The following MYO1D variants were observed in gnomAD, a reference collection of about 807,000 sequenced individuals.
MYO1D encodes myosin ID, also known as unconventional myosin-Id.
In MYO1D, 83 loss-of-function variants were observed where a neutral mutation model predicts 122.0. That is an observed-to-expected ratio of 0.68 (90% CI 0.57 to 0.82). The LOEUF (loss-of-function observed/expected upper bound fraction) is 0.82, where lower values mean the gene tolerates loss of function less well. MYO1D is among the 40% of genes least tolerant of loss of function. The pLI, the probability that MYO1D is intolerant of heterozygous loss-of-function variation, is 0.00. For missense variants in MYO1D, 1,157 were observed against 1,269.5 expected (o/e 0.91, Z 1.35); for synonymous variants, 464 against 446.9 (o/e 1.04, Z -0.48).
intron 1 of MYO1D, among the ~76,000 whole-genome samples, chr17:32,854,777 G>A (rs904455772): frequency 6.6e-6 from 1 of 152,182 alleles, no homozygotes; most frequent in African/African-American, 2.4e-5. Flanking sequence ...GGTAAAGGTT[G>A]AATAGGCACA....
chr17:32,711,911 A>G, intron 16 of MYO1D, 77 bp downstream of exon 16: 1 of 1,199,752 alleles, frequency 8.3e-7, no homozygotes, highest in Non-Finnish European at 1.2e-6. Flanking sequence ...ATATTTCTTG[A>G]ATTAAAGAAA....
At chr17:32,615,743 G>C (rs1399155989) in intron 20 of MYO1D, among the ~76,000 whole-genome samples, 1 of 152,170 alleles carries the variant, frequency 6.6e-6, no homozygotes, top group Non-Finnish European at 1.5e-5. Flanking sequence ...ACTAAACGAG[G>C]CTCTAAAGAT....
At chr17:32,579,762 T>G (rs1338962354) in intron 21 of MYO1D, among the ~76,000 whole-genome samples, 1 of 152,248 alleles carries the variant, frequency 6.6e-6, no homozygotes, top group African/African-American at 2.4e-5. Flanking sequence ...CTTTTCAGGT[T>G]GGCTTCTTTC....
chr17:32,615,310 G>C (rs1463416618), intron 20 of MYO1D, among the ~76,000 whole-genome samples: 1 of 152,186 alleles, frequency 6.6e-6, no homozygotes, highest in Non-Finnish European at 1.5e-5. Context: ...AGACTACTTC[G>C]AGCCAGAGGA....
At chr17:32,871,808 T>G (rs1032579217) in intron 1 of MYO1D, among the ~76,000 whole-genome samples, 2 of 152,160 alleles carry the variant, frequency 1.3e-5, no homozygotes, top group Non-Finnish European at 2.9e-5. Context: ...GCAAGCAGCT[T>G]GCCCTGGCAG....
At chr17:32,671,631 C>A (rs1234957492) in intron 16 of MYO1D, among the ~76,000 whole-genome samples, 5 of 152,022 alleles carry the variant, frequency 3.3e-5, no homozygotes, top group Non-Finnish European at 7.4e-5. Flanking sequence ...TTTGAATTTT[C>A]TTCTAAGGAG....
intron 20 of MYO1D, among the ~76,000 whole-genome samples, chr17:32,624,150 A>G (rs1261049255): frequency 6.6e-6 from 1 of 152,128 alleles, no homozygotes; most frequent in African/African-American, 2.4e-5. Context: ...CAGAATAGAT[A>G]AGTGGTTCTC....
chr17:32,848,558 AGACTAAAT>A (rs1351902200), intron 1 of MYO1D, among the ~76,000 whole-genome samples: 1 of 152,222 alleles, frequency 6.6e-6, no homozygotes, highest in Non-Finnish European at 1.5e-5. Context: ...ATGATCAAGA[AGACTAAAT>A]GTTTTGTATG....
intron 20 of MYO1D, among the ~76,000 whole-genome samples, chr17:32,621,181 T>C (rs1385300619): frequency 6.6e-6 from 1 of 152,128 alleles, no homozygotes; most frequent in Non-Finnish European, 1.5e-5. Flanking sequence ...TTTCCACTTG[T>C]GGCGTCATAT....
At chr17:32,589,026 C>T (rs2087415514) in intron 21 of MYO1D, among the ~76,000 whole-genome samples, 1 of 149,394 alleles carries the variant, frequency 6.7e-6, no homozygotes, top group Non-Finnish European at 1.5e-5. Flanking sequence ...ACTGCCCCTG[C>T]AAGAGAATAA....
chr17:32,721,245 G>A, intron 14 of MYO1D, 56 bp from the exon 15 acceptor site: 4 of 1,522,754 alleles, frequency 2.6e-6, no homozygotes, highest in Non-Finnish European at 1.8e-6. Context: ...TCCCAGCTAG[G>A]GACACTAACA....
intron 2 of MYO1D, 85 bp from the exon 3 acceptor site, chr17:32,778,658 A>T: frequency 8.4e-7 from 1 of 1,185,452 alleles, no homozygotes; most frequent in Non-Finnish European, 1.2e-6. Flanking sequence ...TAAAAATCTG[A>T]TACTGGTGAT....
chr17:32,721,033 A>C lies in MYO1D; in HGVS notation c.1903T>G (p.Phe635Val). 1 of 1,613,982 alleles carries C rather than the reference A, an allele frequency of 6.2e-7. No individual in the cohort carries two copies. The highest frequency in any genetic ancestry group is 8.5e-7 in the Non-Finnish European group (1 of 1,179,922). Residue 635 changes from phenylalanine to valine, a missense_variant, in exon 15 of 22, where the codon TTT (phenylalanine) becomes GTT (valine). Transcript: ENST00000318217. ...GFAFRQTYEK[F>V]LHRYKMISEF... is the part of the protein sequence containing the mutation. ...CGAGTCTATTCTCACCTGTGAAGAA[A>C]CTTCTCGTATGTCTGGCGGAAGGCA... is the stretch of plus-strand genomic sequence containing the variant.
At chr17:32,710,595 A>G (rs1207678671) in intron 16 of MYO1D, among the ~76,000 whole-genome samples, 1 of 152,220 alleles carries the variant, frequency 6.6e-6, no homozygotes, top group Non-Finnish European at 1.5e-5. Context: ...GACTTTGATT[A>G]TGTCAAAATT....
intron 14 of MYO1D, among the ~76,000 whole-genome samples, chr17:32,725,657 A>G (rs1291671923): frequency 6.6e-6 from 1 of 152,174 alleles, no homozygotes; most frequent in Non-Finnish European, 1.5e-5. Flanking sequence ...GGTATAGAAG[A>G]CACAGTGAGA....
Position 32,875,487 on chromosome 17 carries a change from A to C in MYO1D, c.95+1291T>G, listed in dbSNP as rs1598175184. ...CACAGAGAGGTTAAGTAACTTGCTC[A>C]AAGATCACAGCAAGAATGCAGTGGA... On this transcript the variant is annotated intron_variant, in intron 1 of 21. Coordinates refer to ENST00000318217, the MANE Select transcript of MYO1D (RefSeq NM_015194.3). Among the ~76,000 whole-genome samples the C allele has an allele frequency of 2.0e-5, 3 of 152,354 alleles. No homozygotes were observed. In the Middle Eastern group the frequency reaches 0.01, roughly 518 times the overall value.
At chr17:32,522,473 A>T (rs1224969045) in intron 21 of MYO1D, among the ~76,000 whole-genome samples, 1 of 152,244 alleles carries the variant, frequency 6.6e-6, no homozygotes, top group Non-Finnish European at 1.5e-5. Context: ...AAAGCATTAT[A>T]GTGGCTGGAA....
At chr17:32,598,851 T>C (rs1025027352) in intron 21 of MYO1D, among the ~76,000 whole-genome samples, 3 of 152,176 alleles carry the variant, frequency 2.0e-5, no homozygotes, top group Admixed American at 6.5e-5. Context: ...TTCAGTTAAA[T>C]CCAATGAGAG....
chr17:32,520,006 ACT>A (rs754083508), intron 21 of MYO1D, among the ~76,000 whole-genome samples: 3 of 151,858 alleles, frequency 2.0e-5, no homozygotes, highest in Non-Finnish European at 4.4e-5. Context: ...AACCCTGAAG[ACT>A]CAGGCCCACA....
Sources: allele counts gnomAD v4.1 joint callset (sites outside exome capture counted in the v4.1 genomes callset), GRCh38; gene constraint gnomAD v4.1.1; transcripts MANE v1.5; gene names NCBI Gene and HGNC (gene_info 2026-07-23, HGNC 2026-07-21).